PDZRN4: variants seen among roughly 807,000 people sequenced by gnomAD.
PDZRN4 encodes the protein PDZ domain containing ring finger 4.
Under a neutral mutation model 99.0 loss-of-function variants are expected in PDZRN4, and 70 were observed. The ratio of observed to expected loss-of-function variants is 0.71; its 90% CI spans 0.58 to 0.86. The LOEUF is 0.86. Among genes scored for constraint, PDZRN4 ranks in the 40% least tolerant of loss-of-function variants. PDZRN4 has a pLI of 0.00. For missense variants in PDZRN4, 1,474 were observed against 1,331.2 expected (o/e 1.11, Z -1.67); for synonymous variants, 551 against 501.6 (o/e 1.10, Z -1.32).
chr12:41,255,728 A>T (rs1951201220), intron 3 of PDZRN4, among the ~76,000 whole-genome samples: 1 of 152,200 alleles, frequency 6.6e-6, no homozygotes, highest in Admixed American at 6.5e-5. Context: ...GCATGGCACC[A>T]GTATCTGCTT....
At chr12:41,251,256 A>T (rs1951167883) in intron 3 of PDZRN4, among the ~76,000 whole-genome samples, 1 of 152,166 alleles carries the variant, frequency 6.6e-6, no homozygotes, top group African/African-American at 2.4e-5. Flanking sequence ...TTCAGCTTTT[A>T]ATCATCAGTC....
At chr12:41,436,757 A>G (rs1424936533) in intron 3 of PDZRN4, among the ~76,000 whole-genome samples, 1 of 152,198 alleles carries the variant, frequency 6.6e-6, no homozygotes, top group Non-Finnish European at 1.5e-5. Flanking sequence ...AATGAAATGC[A>G]TTACTTCTGT....
chr12:41,317,070 A>ATATATATATATATATATATATATATG lies in PDZRN4; in HGVS notation c.843+122886_843+122887insTATATATATATATATATATATGTATA, dbSNP rs1480951542. Among the ~76,000 whole-genome samples the ATATATATATATATATATATATATATG allele has an allele frequency of 2.8e-5, 4 of 142,464 alleles. 1 individual carries two copies. Among genetic ancestry groups the ATATATATATATATATATATATATATG allele is most frequent in the Non-Finnish European group, 6.2e-5 (4 of 64,640 alleles). The allele number at this position is 142,464 out of a possible 152,430, so 93.5% of individuals were successfully genotyped here. A position where few individuals can be genotyped will look rare whatever the true frequency, so the allele number is the denominator to read the frequency against. On this transcript the variant is annotated intron_variant, in intron 3 of 9. Coordinates refer to ENST00000402685, the MANE Select transcript of PDZRN4 (RefSeq NM_001164595.2). The stretch of plus-strand genomic sequence containing the variant: ...AAAGTATATATATATATATATATAT[A>ATATATATATATATATATATATATATG]TATAGTATATTTGTATATTACATAG...
At chr12:41,510,020 A>C in intron 5 of PDZRN4, 107 bp downstream of exon 5, 1 of 577,252 alleles carries the variant, frequency 1.7e-6, no homozygotes. Context: ...CTTGTCTATT[A>C]CATATCCAGT....
chr12:41,378,539 T>TTTTTTTTTTTTTTTTTTTTTTA (rs1952098528), intron 3 of PDZRN4, among the ~76,000 whole-genome samples: 1 of 146,588 alleles, frequency 6.8e-6, no homozygotes, highest in African/African-American at 2.6e-5. Context: ...TTTTTTTTTT[T>TTTTTTTTTTTTTTTTTTTTTTA]GAGACAGAGT....
chr12:41,318,773 AG>A (rs1951655318), intron 3 of PDZRN4, among the ~76,000 whole-genome samples: 1 of 152,198 alleles, frequency 6.6e-6, no homozygotes. Flanking sequence ...GAGTGGGGAC[AG>A]GAAAATAGGA....
chr12:41,417,005 G>A (rs1952450715), intron 3 of PDZRN4, among the ~76,000 whole-genome samples: 1 of 152,114 alleles, frequency 6.6e-6, no homozygotes, highest in Non-Finnish European at 1.5e-5. Flanking sequence ...TTGACTTTCT[G>A]TATGATAGCC....
rs1566352693 is a variant in PDZRN4, at chr12:41,197,925, T to TTTTTTG, written c.843+3742_843+3743insGTTTTT. 8.8e-4 allele frequency among the ~76,000 whole-genome samples: 119 copies of TTTTTTG among 135,104 alleles called. 3 individuals carry two copies. Among genetic ancestry groups the TTTTTTG allele is most frequent in the African/African-American group, 3.1e-3 (115 of 37,418 alleles). The allele number at this position is 135,104 out of a possible 152,430, so 88.6% of individuals were successfully genotyped here. ...CTTTTCCTTGTTTTTTCTGGGTTTT[T>TTTTTTG]TTTTTTGGAGACAGGATCTTGCTCT... On this transcript the variant is annotated intron_variant, in intron 3 of 9. Transcript: ENST00000402685.
chr12:41,284,640 G>A (rs765081956), intron 3 of PDZRN4, among the ~76,000 whole-genome samples: 4 of 152,082 alleles, frequency 2.6e-5, no homozygotes, highest in Non-Finnish European at 5.9e-5. Flanking sequence ...AAACATCATC[G>A]TATTAGTACC....
At chr12:41,445,855 T>A (rs1046697150) in intron 3 of PDZRN4, among the ~76,000 whole-genome samples, 3 of 152,088 alleles carry the variant, frequency 2.0e-5, no homozygotes, top group Non-Finnish European at 4.4e-5. Context: ...TGGGTAGCAA[T>A]CATGTCTTCA....
rs543172836 is a variant in PDZRN4 at position 41,506,234 on chromosome 12, C to T, written c.844-222C>T. 2.8e-4 allele frequency among the ~76,000 whole-genome samples: 42 copies of T among 152,242 alleles called. No individual in the cohort carries two copies. The South Asian group carries it at 3.5e-3, about 13-fold the overall frequency. On this transcript the variant is annotated intron_variant, in intron 3 of 9. Transcript: ENST00000402685. ...TTCTGCTGTTTTACTAGTTAACCAACTCCAGATACTTTATAAAGATACAGA... is the reference window on the plus strand; with the variant it reads ...TTCTGCTGTTTTACTAGTTAACCAATTCCAGATACTTTATAAAGATACAGA...
rs558737378 is a variant in PDZRN4, at chr12:41,325,747, G to A, written c.843+131559G>A. Among the ~76,000 whole-genome samples the A allele has an allele frequency of 4.0e-5, 6 of 150,840 alleles. No homozygotes were observed. The South Asian group carries it at 6.4e-4, about 16-fold the overall frequency. On this transcript the variant is annotated intron_variant, in intron 3 of 9. Coordinates refer to ENST00000402685, the MANE Select transcript of PDZRN4 (RefSeq NM_001164595.2). ...TAGATATGGTGAAATTAAAAAGTCAGAGTGATTAAAAAACACATTTATTTT... is the reference window on the plus strand; with the variant it reads ...TAGATATGGTGAAATTAAAAAGTCAAAGTGATTAAAAAACACATTTATTTT...
chr12:41,521,635 G>T (rs1000118249), intron 5 of PDZRN4, among the ~76,000 whole-genome samples: 17 of 152,118 alleles, frequency 1.1e-4, no homozygotes, highest in African/African-American at 4.1e-4. Context: ...GGAAACTGAA[G>T]CCTGTGAAGG....
At chr12:41,247,010 CT>C (rs984972690) in intron 3 of PDZRN4, among the ~76,000 whole-genome samples, 9 of 151,244 alleles carry the variant, frequency 6.0e-5, no homozygotes, top group East Asian at 1.9e-4. Flanking sequence ...CCCTTTCTTC[CT>C]TTTTTTTTCT....
intron 3 of PDZRN4, among the ~76,000 whole-genome samples, chr12:41,407,012 T>TCA (rs2120363537): frequency 6.6e-6 from 1 of 152,292 alleles, no homozygotes; most frequent in Admixed American, 6.5e-5. Flanking sequence ...CCTTTAGGTG[T>TCA]TCAAGAAATG....
intron 3 of PDZRN4, among the ~76,000 whole-genome samples, chr12:41,456,453 T>C (rs1952817605): frequency 6.6e-6 from 1 of 152,210 alleles, no homozygotes; most frequent in Non-Finnish European, 1.5e-5. Flanking sequence ...TTTTCCCATT[T>C]TGTAAAGGAG....
At chr12:41,390,735 G>A (rs531260192) in intron 3 of PDZRN4, among the ~76,000 whole-genome samples, 1 of 152,184 alleles carries the variant, frequency 6.6e-6, no homozygotes, top group Non-Finnish European at 1.5e-5. Context: ...GTGGTCTGCA[G>A]GAGGTAAGAT....
chr12:41,437,500 T>C (rs918387534), intron 3 of PDZRN4, among the ~76,000 whole-genome samples: 1 of 152,166 alleles, frequency 6.6e-6, no homozygotes, highest in Non-Finnish European at 1.5e-5. Flanking sequence ...ACAGAGATGG[T>C]ATTGACACAA....
intron 3 of PDZRN4, among the ~76,000 whole-genome samples, chr12:41,299,530 A>G (rs56888670): frequency 6.6e-6 from 1 of 152,014 alleles, no homozygotes; most frequent in Non-Finnish European, 1.5e-5. Context: ...CTGTTTTTTT[A>G]GGCTTAGATG....
Sources: gnomAD v4.1 joint callset for allele counts (sites outside exome capture counted in the v4.1 genomes callset) on GRCh38, gnomAD v4.1.1 for gene constraint, MANE v1.5 for transcripts, NCBI Gene and HGNC (gene_info 2026-07-23, HGNC 2026-07-21) for gene names.